Variants in USP42 observed in about 807,000 individuals in gnomAD.
The protein encoded by USP42 is ubiquitin carboxyl-terminal hydrolase 42.
USP42 carries 23 observed loss-of-function variants against 113.0 expected under a neutral mutation model. The ratio of observed to expected loss-of-function variants is 0.20; its 90% confidence interval spans 0.15 to 0.29. USP42 has a LOEUF of 0.29. Ranked by LOEUF, USP42 falls within the 10% of genes least tolerant of loss-of-function variation. The probability of loss-of-function intolerance (pLI) is 1.00; values close to 1 mark genes in which losing one functional copy is unlikely to be tolerated. For synonymous variants in USP42, 933 were observed against 699.0 expected, an observed-to-expected ratio of 1.33 and a Z score of -5.28; for missense variants, 2,174 against 1,779.8, an observed-to-expected ratio of 1.22 and a Z score of -3.99.
At position 6,139,270 on chromosome 7, in the gene USP42, T is replaced by C. The variant is rs1200124472; in HGVS notation, c.656+76T>C. 1.6e-6 allele frequency: 2 copies of C among 1,236,954 alleles called. No homozygotes were observed. Among genetic ancestry groups the C allele is most frequent in the African/African-American group, 3.1e-5 (2 of 65,110 alleles). 76.6% of individuals were successfully genotyped at this position (1,236,954 alleles called of 1,614,324 possible). On this transcript the variant is annotated intron_variant, in intron 5 of 17. Transcript: ENST00000306177. This position sits in a 1 kb window ranked among gnomAD's most constrained non-coding sequence, Gnocchi z 4.5. Reference sequence around the variant, plus strand: ...AGTTTATTCTTATCAGAATTCATTTTCACCTTTTTTGTTGGAAGCACACAG... The same window carrying C: ...AGTTTATTCTTATCAGAATTCATTTCCACCTTTTTTGTTGGAAGCACACAG...
chr7:6,153,636 TAATAA>T lies in USP42; in HGVS notation c.2202-113_2202-109del, dbSNP rs937706221. ...TAGCCTGAAACTTAAAGTATAATAATAATAAAATAAAGAGACGAAATAGCAAATGA... is the reference window on the plus strand; with the variant it reads ...TAGCCTGAAACTTAAAGTATAATAATAATAAAGAGACGAAATAGCAAATGA... On this transcript the variant is annotated intron_variant, in intron 14 of 17. Coordinates refer to ENST00000306177, the MANE Select transcript of USP42 (RefSeq NM_032172.3). 1.8e-4 allele frequency: 220 copies of T among 1,231,782 alleles called. 2 individuals carry two copies. Among genetic ancestry groups the T allele is most frequent in the African/African-American group, 3.2e-4 (20 of 62,700 alleles). 76.3% of individuals were successfully genotyped at this position (1,231,782 alleles called of 1,614,324 possible). A position where few individuals can be genotyped will look rare whatever the true frequency, so the allele number is the denominator to read the frequency against.
At chr7:6,081,579 A>ACCC in the USP42 span, 2 of 151,886 alleles carry the variant, frequency 1.3e-5, 1 homozygote, top group Non-Finnish European at 2.9e-5. Flanking sequence ...CCCGCCGCAG[A>ACCC]CCCCGCCCCT....
intron 3 of USP42, among the ~76,000 whole-genome samples, chr7:6,124,199 T>C (rs367983845): frequency 6.6e-6 from 1 of 151,892 alleles, no homozygotes; most frequent in East Asian, 1.9e-4. Flanking sequence ...TTATGATTCA[T>C]GTTAGCATGA....
chr7:6,090,837 G>A, the USP42 span, among the ~76,000 whole-genome samples: 6 of 146,628 alleles, frequency 4.1e-5, no homozygotes, highest in Admixed American at 1.4e-4. Flanking sequence ...CATATATAGT[G>A]TAAAATATAT....
intron 12 of USP42, 31 bp from the exon 13 acceptor site, chr7:6,149,552 C>T (rs762792064): frequency 1.3e-6 from 2 of 1,581,426 alleles, no homozygotes; most frequent in South Asian, 1.2e-5. Context: ...GTTTCTGGAG[C>T]TCTGACCAGG....
the USP42 span, among the ~76,000 whole-genome samples, chr7:6,092,675 C>A: frequency 3.3e-5 from 5 of 151,178 alleles, no homozygotes; most frequent in African/African-American, 1.2e-4. Flanking sequence ...TCTCCAATGA[C>A]CCCCTCTTAA....
chr7:6,105,091 C>G (rs1779184749), intron 1 of USP42, 59 bp downstream of exon 1: 2 of 147,642 alleles, frequency 1.4e-5, no homozygotes, highest in Non-Finnish European at 3.0e-5. Context: ...CGCAGCGGCC[C>G]GCTCGCCTGG....
chr7:6,121,301 G>C (rs573505526), intron 3 of USP42, among the ~76,000 whole-genome samples: 1 of 152,236 alleles, frequency 6.6e-6, no homozygotes, highest in East Asian at 1.9e-4. Flanking sequence ...CTTTTACCAG[G>C]TTGAGTTGTT....
chr7:6,144,092 A>G lies in USP42; in HGVS notation c.886A>G (p.Lys296Glu). The G allele has an allele frequency of 6.4e-7, 1 of 1,562,872 alleles. No individual in the cohort carries two copies. The highest frequency in any genetic ancestry group is 1.2e-5 in the South Asian group (1 of 81,042). The change falls in exon 9 of 18, where the codon AAG becomes GAG. Residue 296 changes from lysine to glutamate, a missense_variant. By Grantham distance (56) the Lys-to-Glu change is moderately conservative. Transcript: ENST00000306177. ...GTTTCTGTTTGTTTCAAGGTGTAAA[A>G]AGATGGTTCCAGCTTCAAAGAGGTT... is the stretch of plus-strand genomic sequence containing the variant. ...ENSYKCSKCK[K>E]MVPASKRFTI...
chr7:6,113,923 A>G lies in USP42; in HGVS notation c.242-1400A>G, dbSNP rs561351382. On this transcript the variant is annotated intron_variant, in intron 2 of 17. Transcript: ENST00000306177. ...GGCATGAGCCACTGTGCCCGACCCA[A>G]TCTCAGCCTTCTGTTAGAGCACTGG... Among the ~76,000 whole-genome samples the G allele has an allele frequency of 5.9e-5, 9 of 152,222 alleles. No homozygotes were observed. The South Asian group carries it at 8.3e-4, about 14-fold the overall frequency.
intron 14 of USP42, among the ~76,000 whole-genome samples, chr7:6,151,862 C>T (rs1359205837): frequency 2.6e-5 from 4 of 152,084 alleles, no homozygotes; most frequent in African/African-American, 2.4e-5. Flanking sequence ...ACGAGGCACG[C>T]GTTGCCCTTG....
intron 7 of USP42, among the ~76,000 whole-genome samples, chr7:6,141,380 T>G (rs1781423820): frequency 6.6e-6 from 1 of 151,844 alleles, no homozygotes; most frequent in Non-Finnish European, 1.5e-5. Flanking sequence ...AATTTTTGTA[T>G]TTTTAGTAGA....
chr7:6,136,305 A>G (rs1003987846), intron 4 of USP42, among the ~76,000 whole-genome samples: 1 of 152,098 alleles, frequency 6.6e-6, no homozygotes, highest in African/African-American at 2.4e-5. Context: ...TGCCTGGCCT[A>G]TTACCTAGTT....
At chr7:6,122,047 T>G (rs1164358844) in intron 3 of USP42, among the ~76,000 whole-genome samples, 2 of 152,142 alleles carry the variant, frequency 1.3e-5, no homozygotes, top group Non-Finnish European at 2.9e-5. Context: ...TTGTTACAGT[T>G]TTCTGTTTCA....
rs1468529888 is a variant in USP42, at chr7:6,159,681, C to T, written c.*36+188C>T. On this transcript the variant is annotated intron_variant, in intron 17 of 17. Transcript: ENST00000306177. This position sits in a 1 kb window ranked among gnomAD's most constrained non-coding sequence, Gnocchi z 4.1. The stretch of plus-strand genomic sequence containing the variant: ...CACGCGCTTGGGGACAGACCTAGAC[C>T]CTCCACCTCATCACGTTTGCATTAC... Among the ~76,000 whole-genome samples the T allele has an allele frequency of 6.6e-6, 1 of 152,190 alleles. No individual in the cohort carries two copies. The highest frequency in any genetic ancestry group is 6.5e-5 in the Admixed American group (1 of 15,278).
chr7:6,139,329 G>A lies in USP42; in HGVS notation c.656+135G>A. Reference sequence around the variant, plus strand: ...TCACTTTACCTTTTGGCTTTGCTCTGCCTCTTCCTTAGGTGATGTGCATTA... The same window carrying A: ...TCACTTTACCTTTTGGCTTTGCTCTACCTCTTCCTTAGGTGATGTGCATTA... On this transcript the variant is annotated intron_variant, in intron 5 of 17. Transcript: ENST00000306177. This position sits in a 1 kb window ranked among gnomAD's most constrained non-coding sequence, Gnocchi z 4.5. 1 of 622,934 alleles carries A rather than the reference G, an allele frequency of 1.6e-6. No individual in the cohort carries two copies. Among genetic ancestry groups the A allele is most frequent in the South Asian group, 2.6e-5 (1 of 38,460 alleles). The allele number at this position is 622,934 out of a possible 1,614,324, so 38.6% of individuals were successfully genotyped here.
chr7:6,102,578 T>G (rs1251006928), upstream of USP42, among the ~76,000 whole-genome samples: 4 of 150,244 alleles, frequency 2.7e-5, no homozygotes, highest in African/African-American at 1.0e-4. Flanking sequence ...CTGGGCAACA[T>G]AGCGAGCCCG....
chr7:6,102,973 C>T (rs1223347478), upstream of USP42, among the ~76,000 whole-genome samples: 5 of 150,866 alleles, frequency 3.3e-5, no homozygotes, highest in African/African-American at 1.2e-4. Flanking sequence ...AGGACAGCAG[C>T]CGCTGGGGAG....
the USP42 span, among the ~76,000 whole-genome samples, chr7:6,088,274 C>A: frequency 6.7e-6 from 1 of 150,284 alleles, no homozygotes; most frequent in Non-Finnish European, 1.5e-5. Flanking sequence ...TTTCTTTTTG[C>A]GACGGAGTCT....
Sources: gnomAD v4.1 joint callset for allele counts (sites outside exome capture counted in the v4.1 genomes callset) on GRCh38, gnomAD v4.1.1 for gene constraint, Gnocchi (gnomAD v3.1) non-coding constraint, MANE v1.5 for transcripts, NCBI Gene and HGNC (gene_info 2026-07-23, HGNC 2026-07-21) for gene names.